The following DSC3 variants were observed in gnomAD, a reference collection of about 807,000 sequenced individuals.
The protein encoded by DSC3 is desmocollin-3.
A neutral mutation model predicts 89.5 loss-of-function variants in DSC3; 97 were observed. The ratio of observed to expected loss-of-function variants is 1.08; its 90% confidence interval spans 0.92 to 1.28. The LOEUF (loss-of-function observed/expected upper bound fraction) is 1.28, where lower values mean the gene tolerates loss of function less well. DSC3 is among the 50% of genes most tolerant of loss of function. The pLI, the probability that DSC3 is intolerant of heterozygous loss-of-function variation, is 0.00. For synonymous variants in DSC3, 436 were observed against 384.1 expected (o/e 1.14, Z -1.58); for missense variants, 1,199 against 1,085.3 (o/e 1.10, Z -1.47).
At chr18:31,014,809 A>G (rs1985180987) in intron 9 of DSC3, among the ~76,000 whole-genome samples, 2 of 152,156 alleles carry the variant, frequency 1.3e-5, no homozygotes, top group Non-Finnish European at 2.9e-5. Flanking sequence ...AGTAATGGAA[A>G]GATAATTAAT....
Position 31,031,127 on chromosome 18 carries a change from C to G in DSC3, c.200G>C (p.Ser67Thr), listed in dbSNP as rs749238456. 1 of 1,613,562 alleles carries G rather than the reference C, an allele frequency of 6.2e-7. No homozygotes were observed. The highest frequency in any genetic ancestry group is 1.1e-5 in the South Asian group (1 of 90,822). Reference protein sequence around the residue: ...CFRSADLIRSSDPDFRVLNDG... With the variant: ...CFRSADLIRSTDPDFRVLNDG... Reference sequence around the variant, plus strand: ...ATTTAGAACTCTGAAATCAGGATCACTTGACCGGATGAGGTCTGCAGACCT... The same window carrying G: ...ATTTAGAACTCTGAAATCAGGATCAGTTGACCGGATGAGGTCTGCAGACCT... Residue 67 changes from serine (S) to threonine (T), a missense_variant, in exon 3 of 16, where the codon AGT becomes ACT. Physicochemically the swap from Ser to Thr is moderately conservative, Grantham distance 58. Transcript: ENST00000360428.
rs1984868658 is a variant in DSC3 at position 31,007,004 on chromosome 18, A to G, written c.1791T>C (p.Val597=). The G allele has an allele frequency of 6.2e-7, 1 of 1,613,896 alleles. No homozygotes were observed. Among genetic ancestry groups the G allele is most frequent in the African/African-American group, 1.3e-5 (1 of 74,936 alleles). ...CTCCATGGACAGGTTCATCAGGATC[A>G]ACAGCTAAAATGTCGGTATACCCCA... ...PKMGYTDILA[V]DPDEPVHGAP... The change falls in exon 12 of 16, where the codon GTT becomes GTC. Residue 597 remains valine, a synonymous_variant. Transcript: ENST00000360428.
chr18:31,029,420 T>A, intron 4 of DSC3, 89 bp downstream of exon 4: 1 of 1,522,390 alleles, frequency 6.6e-7, no homozygotes, highest in Non-Finnish European at 9.1e-7. Flanking sequence ...CAGATCTGTT[T>A]ATTTTTATAT....
At chr18:31,034,804 C>T (rs1430122768) in intron 1 of DSC3, among the ~76,000 whole-genome samples, 1 of 152,048 alleles carries the variant, frequency 6.6e-6, no homozygotes, top group Non-Finnish European at 1.5e-5. Context: ...AAGTAAATTT[C>T]CATGGGAAGT....
chr18:30,995,971 T>TAAAAAAAAAAAAAAAAAAAAAAAA, intron 15 of DSC3, among the ~76,000 whole-genome samples: 136 of 37,022 alleles, frequency 3.7e-3, no homozygotes, highest in East Asian at 9.2e-3. Context: ...GACCCTGCCT[T>TAAAAAAAAAAAAAAAAAAAAAAAA]AAAAAAAAAA....
rs369729390 is a variant in DSC3 at position 31,032,261 on chromosome 18, C to G, written c.85G>C (p.Gly29Arg). The change falls in exon 2 of 16, where the codon GGT (glycine) becomes CGT (arginine). Residue 29 changes from glycine to arginine, a missense_variant. By Grantham distance (125) the Gly-to-Arg change is moderately radical (BLOSUM62 -2). Coordinates refer to ENST00000360428, the MANE Select transcript of DSC3 (RefSeq NM_001941.5). ...LLTLVIFSRAGEACKKVILNV... is the reference protein window; with the variant it reads ...LLTLVIFSRAREACKKVILNV... ...AGTATCACCTTTTTGCAGGCTTCAC[C>G]AGCACGACTGAAGATCTAGAATTTA... 1 of 1,612,688 alleles carries G rather than the reference C, an allele frequency of 6.2e-7. No individual in the cohort carries two copies. The highest frequency in any genetic ancestry group is 8.5e-7 in the Non-Finnish European group (1 of 1,178,966).
chr18:31,018,817 T>C lies in DSC3; in HGVS notation c.943-17A>G. The stretch of plus-strand genomic sequence containing the variant: ...GTCTACAACCTGGAAACAAAGCAAA[T>C]ATTTAACTAGTCTTGAAAAATTTTT... On this transcript the variant is annotated splice_polypyrimidine_tract_variant and intron_variant, in intron 7 of 15. Transcript: ENST00000360428. The C allele has an allele frequency of 6.2e-7, 1 of 1,612,732 alleles. No individual in the cohort carries two copies. The highest frequency in any genetic ancestry group is 8.5e-7 in the Non-Finnish European group (1 of 1,179,732).
chr18:31,031,025 T>C lies in DSC3; in HGVS notation c.302A>G (p.Lys101Arg), dbSNP rs1251655353. The C allele has an allele frequency of 6.2e-7, 1 of 1,614,074 alleles. No individual in the cohort carries two copies. The highest frequency in any genetic ancestry group is 1.7e-5 in the Admixed American group (1 of 60,030). Residue 101 changes from lysine (K) to arginine (R), a missense_variant, in exon 3 of 16, where the codon AAA becomes AGA. Transcript: ENST00000360428. Reference sequence around the variant, plus strand: ...AACCTCTTTCTGTGTCTGTTTCCTTTTGTCAGAAAGCCATATGGTAAATGA... The same window carrying C: ...AACCTCTTTCTGTGTCTGTTTCCTTCTGTCAGAAAGCCATATGGTAAATGA... ...KRSFTIWLSD[K>R]RKQTQKEVTV...
intron 9 of DSC3, among the ~76,000 whole-genome samples, chr18:31,016,894 C>G (rs1447507957): frequency 6.6e-6 from 1 of 152,148 alleles, no homozygotes; most frequent in East Asian, 1.9e-4. Context: ...TTTCCTCCTT[C>G]CCTATCTTAT....
intron 1 of DSC3, among the ~76,000 whole-genome samples, chr18:31,040,384 C>T (rs777642384): frequency 2.0e-5 from 3 of 152,102 alleles, no homozygotes; most frequent in Non-Finnish European, 4.4e-5. Flanking sequence ...TTAGTTTCCA[C>T]CATCCCTAAC....
intron 7 of DSC3, among the ~76,000 whole-genome samples, chr18:31,020,839 G>A (rs961431014): frequency 1.6e-4 from 25 of 152,098 alleles, no homozygotes; most frequent in African/African-American, 6.0e-4. Flanking sequence ...CTACACAGGA[G>A]GCGGAGGTGG....
At position 30,989,979 on chromosome 18, in the gene DSC3, A is replaced by G. The variant is rs1984178065; in HGVS notation, c.*4196T>C. 1.3e-5 allele frequency: 2 copies of G among 152,254 alleles called. No individual in the cohort carries two copies. The highest frequency in any genetic ancestry group is 1.3e-4 in the Admixed American group (2 of 15,290). 9.4% of individuals were successfully genotyped at this position (152,254 alleles called of 1,614,324 possible). A position where few individuals can be genotyped will look rare whatever the true frequency, so the allele number is the denominator to read the frequency against. ...TTGTGAAAAAATCAACACAGAAAGAATAAATTATCAATTCCATTGTCTGGA... is the reference window on the plus strand; with the variant it reads ...TTGTGAAAAAATCAACACAGAAAGAGTAAATTATCAATTCCATTGTCTGGA... On this transcript the variant is annotated 3_prime_UTR_variant, in exon 16 of 16. Coordinates refer to ENST00000360428, the MANE Select transcript of DSC3 (RefSeq NM_001941.5).
chr18:31,006,632 C>T (rs1319367221), intron 12 of DSC3, among the ~76,000 whole-genome samples: 1 of 152,182 alleles, frequency 6.6e-6, no homozygotes, highest in Non-Finnish European at 1.5e-5. Context: ...TGCACACACA[C>T]ACACAAAGTT....
chr18:31,005,189 G>A (rs1188395965), intron 12 of DSC3, among the ~76,000 whole-genome samples: 1 of 152,142 alleles, frequency 6.6e-6, no homozygotes, highest in African/African-American at 2.4e-5. Flanking sequence ...AGGCTCCCTA[G>A]AGGAATATGA....
chr18:31,017,852 T>C (rs1985285240), intron 9 of DSC3, among the ~76,000 whole-genome samples: 2 of 151,986 alleles, frequency 1.3e-5, no homozygotes, highest in African/African-American at 4.8e-5. Context: ...GCTATGGAGA[T>C]CCTTATAAAT....
chr18:30,993,935 G>T lies in DSC3; in HGVS notation c.*240C>A. On this transcript the variant is annotated 3_prime_UTR_variant, in exon 16 of 16. Coordinates refer to ENST00000360428, the MANE Select transcript of DSC3 (RefSeq NM_001941.5). The stretch of plus-strand genomic sequence containing the variant: ...TCCGTAAAAAAAAAAAAGAGCAGAT[G>T]CTTTAGAGACCTTAATTCCAGTGCT... 1 of 399,178 alleles carries T rather than the reference G, an allele frequency of 2.5e-6. No individual in the cohort carries two copies. The highest frequency in any genetic ancestry group is 4.6e-6 in the Non-Finnish European group (1 of 217,898). 24.7% of individuals were successfully genotyped at this position (399,178 alleles called of 1,614,324 possible).
Position 31,027,498 on chromosome 18 carries a change from T to TC in DSC3, c.475-1584dup, listed in dbSNP as rs1398287817. Among the ~76,000 whole-genome samples, 15 of 151,938 alleles carry TC rather than the reference T, an allele frequency of 9.9e-5. No individual in the cohort carries two copies. In the East Asian group the frequency reaches 1.4e-3, roughly 14 times the overall value. On this transcript the variant is annotated intron_variant, in intron 4 of 15. Transcript: ENST00000360428. ...TTCCTTCCTTCCTTCCTTCCTTCCT[T>TC]CTTTCCTTCCTTTTCTGCAATAGCA...
chr18:31,006,242 T>A (rs936791399), intron 12 of DSC3, among the ~76,000 whole-genome samples: 3 of 152,124 alleles, frequency 2.0e-5, no homozygotes, highest in Non-Finnish European at 1.5e-5. Context: ...CAGAGTCAGC[T>A]TACAATACAA....
rs370442926 is a variant in DSC3 at position 31,023,421 on chromosome 18, A to G, written c.776-919T>C. Among the ~76,000 whole-genome samples the G allele has an allele frequency of 2.5e-4, 38 of 152,278 alleles. 1 individual carries two copies. The East Asian group carries it at 6.2e-3, about 25-fold the overall frequency. ...TTATCTGTGTGTATTCCATAACATC[A>G]TGTTGTAAACCTTCACTACACACAA... On this transcript the variant is annotated intron_variant, in intron 6 of 15. Transcript: ENST00000360428.
Sources: gnomAD v4.1 joint callset for allele counts (sites outside exome capture counted in the v4.1 genomes callset) on GRCh38, gnomAD v4.1.1 for gene constraint, MANE v1.5 for transcripts, NCBI Gene and HGNC (gene_info 2026-07-23, HGNC 2026-07-21) for gene names.